Variants in PDS5B observed in about 807,000 individuals in gnomAD.
PDS5B encodes sister chromatid cohesion protein PDS5 homolog B.
A neutral mutation model predicts 184.1 loss-of-function variants in PDS5B; 51 were observed. The observed-to-expected ratio is 0.28, with a 90% CI of 0.22 to 0.35. The LOEUF is 0.35. Among genes scored for constraint, PDS5B ranks in the 10% least tolerant of loss-of-function variants. The pLI, the probability that PDS5B is intolerant of heterozygous loss-of-function variation, is 1.00. For synonymous variants in PDS5B, 566 were observed against 569.2 expected (o/e 0.99, Z 0.08); for missense variants, 1,180 against 1,723.3 (o/e 0.68, Z 5.58).
At chr13:32,607,389 G>A (rs977837810) in intron 1 of PDS5B, among the ~76,000 whole-genome samples, 6 of 152,178 alleles carry the variant, frequency 3.9e-5, no homozygotes, top group Admixed American at 6.5e-5. Context: ...ATTGCAGAAC[G>A]GCAAATGTTG....
chr13:32,655,573 A>G (rs1433335898), intron 3 of PDS5B, among the ~76,000 whole-genome samples: 1 of 150,912 alleles, frequency 6.6e-6, no homozygotes, highest in Non-Finnish European at 1.5e-5. Flanking sequence ...TGGTTTTACC[A>G]CGTTGACTGG....
intron 20 of PDS5B, 93 bp downstream of exon 20, chr13:32,732,317 A>C (rs1039263041): frequency 2.0e-5 from 16 of 810,930 alleles, no homozygotes; most frequent in Admixed American, 1.1e-4. Flanking sequence ...TTGGTGATGC[A>C]TCATTTTGTA....
intron 19 of PDS5B, among the ~76,000 whole-genome samples, chr13:32,731,306 A>G (rs1953113671): frequency 6.6e-6 from 1 of 152,156 alleles, no homozygotes; most frequent in Admixed American, 6.6e-5. Context: ...ATAGTTTAAG[A>G]GCTCCTTTAT....
At chr13:32,747,365 T>C (rs537629444) in intron 24 of PDS5B, among the ~76,000 whole-genome samples, 7 of 152,312 alleles carry the variant, frequency 4.6e-5, no homozygotes, top group East Asian at 3.9e-4. Flanking sequence ...TTGCCACTTA[T>C]GTATAACTCT....
In PDS5B at chr13:32,655,359, C is replaced by CATATATATAT. The variant is rs1177251327; in HGVS notation, c.313-2873_313-2864dup. ...AAAAGTATCTCTTCATGTTCTTTGC[C>CATATATATAT]ATATATATATATATATTTTTTTTTT... On this transcript the variant is annotated intron_variant, in intron 3 of 34. Transcript: ENST00000315596. Among the ~76,000 whole-genome samples, 54 of 39,588 alleles carry CATATATATAT rather than the reference C, an allele frequency of 1.4e-3. 1 individual carries two copies. Among genetic ancestry groups the CATATATATAT allele is most frequent in the African/African-American group, 5.1e-3 (34 of 6,612 alleles). The allele number at this position is 39,588 out of a possible 152,430, so 26.0% of individuals were successfully genotyped here. A position where few individuals can be genotyped will look rare whatever the true frequency, so the allele number is the denominator to read the frequency against.
intron 1 of PDS5B, among the ~76,000 whole-genome samples, chr13:32,610,278 G>T (rs559926100): frequency 1.3e-4 from 20 of 152,320 alleles, no homozygotes; most frequent in African/African-American, 4.6e-4. Context: ...GTATAAATAA[G>T]AAAGTGCATA....
chr13:32,766,265 G>A (rs1002536403), intron 31 of PDS5B, among the ~76,000 whole-genome samples: 3 of 152,092 alleles, frequency 2.0e-5, no homozygotes, highest in Non-Finnish European at 2.9e-5. Context: ...CCCAAAAGTT[G>A]GGAAACATGG....
At chr13:32,740,617 G>A (rs565621466) in intron 21 of PDS5B, among the ~76,000 whole-genome samples, 8 of 152,084 alleles carry the variant, frequency 5.3e-5, no homozygotes, top group Admixed American at 5.2e-4. Flanking sequence ...GCTAGTACTT[G>A]CACATGATCA....
chr13:32,676,336 A>G (rs910185650), intron 9 of PDS5B, among the ~76,000 whole-genome samples: 6 of 152,194 alleles, frequency 3.9e-5, no homozygotes, highest in Non-Finnish European at 5.9e-5. Context: ...GAGTATTCAC[A>G]GAGTGAATAA....
At chr13:32,672,230 C>T (rs1191428287) in intron 7 of PDS5B, among the ~76,000 whole-genome samples, 3 of 152,116 alleles carry the variant, frequency 2.0e-5, no homozygotes, top group Non-Finnish European at 4.4e-5. Flanking sequence ...GAATTGCCTT[C>T]TATGAAAATG....
In PDS5B at chr13:32,722,041, C is replaced by T. The variant is rs1157764160; in HGVS notation, c.2124-10060C>T. On this transcript the variant is annotated intron_variant, in intron 19 of 34. Coordinates refer to ENST00000315596, the MANE Select transcript of PDS5B (RefSeq NM_015032.4). ...TGGAGGTTGTAGCGAGCCGAGATCACGCCACTGCACTCCAGCCTGGGCAAC... is the reference window on the plus strand; with the variant it reads ...TGGAGGTTGTAGCGAGCCGAGATCATGCCACTGCACTCCAGCCTGGGCAAC... Among the ~76,000 whole-genome samples the T allele has an allele frequency of 3.3e-5, 5 of 152,174 alleles. No individual in the cohort carries two copies. In the South Asian group the frequency reaches 6.2e-4, roughly 19 times the overall value.
chr13:32,596,659 A>C (rs149955252), intron 1 of PDS5B, among the ~76,000 whole-genome samples: 1 of 151,866 alleles, frequency 6.6e-6, no homozygotes, highest in Non-Finnish European at 1.5e-5. Context: ...ACACTTGGTT[A>C]GTCAATCTTT....
At chr13:32,635,170 G>GTTTTTT (rs71071054) in intron 1 of PDS5B, among the ~76,000 whole-genome samples, 12 of 81,114 alleles carry the variant, frequency 1.5e-4, no homozygotes, top group Non-Finnish European at 2.0e-4. Flanking sequence ...AGCCAATTAC[G>GTTTTTT]TTTTTTTTTT....
At chr13:32,742,127 G>C (rs1313882683) in intron 22 of PDS5B, among the ~76,000 whole-genome samples, 1 of 152,088 alleles carries the variant, frequency 6.6e-6, no homozygotes, top group Non-Finnish European at 1.5e-5. Flanking sequence ...TTTAAAAAGA[G>C]GTAATATGTA....
intron 24 of PDS5B, among the ~76,000 whole-genome samples, chr13:32,747,425 T>C (rs1593590619): frequency 2.0e-5 from 3 of 152,280 alleles, no homozygotes; most frequent in South Asian, 2.1e-4. Flanking sequence ...TTTTGTCAAA[T>C]GATTTGTCAA....
chr13:32,686,439 A>G (rs1034357721), intron 11 of PDS5B, among the ~76,000 whole-genome samples: 1 of 152,158 alleles, frequency 6.6e-6, no homozygotes, highest in Non-Finnish European at 1.5e-5. Context: ...TTAGAAAAAA[A>G]TTATGAGGGA....
At chr13:32,638,827 G>C (rs1220380806) in intron 1 of PDS5B, among the ~76,000 whole-genome samples, 1 of 152,002 alleles carries the variant, frequency 6.6e-6, no homozygotes, top group Non-Finnish European at 1.5e-5. Context: ...AGGGAAGGAA[G>C]GAATGGGGAA....
rs200382006 is a variant in PDS5B, at chr13:32,732,050, G to A, written c.2124-51G>A. Reference sequence around the variant, plus strand: ...ACAAATATTAAAGTATCTAGCAGAAGTCTTGTTGATTTTTCTGGTTTATTG... The same window carrying A: ...ACAAATATTAAAGTATCTAGCAGAAATCTTGTTGATTTTTCTGGTTTATTG... On this transcript the variant is annotated intron_variant, in intron 19 of 34. Coordinates refer to ENST00000315596, the MANE Select transcript of PDS5B (RefSeq NM_015032.4). 1.1e-3 allele frequency: 1,598 copies of A among 1,478,630 alleles called. 16 individuals are homozygous for A. Among genetic ancestry groups the A allele is most frequent in the South Asian group, 8.3e-3 (684 of 82,624 alleles). The allele number at this position is 1,478,630 out of a possible 1,614,324, so 91.6% of individuals were successfully genotyped here.
chr13:32,631,328 A>G (rs941936215), intron 1 of PDS5B, among the ~76,000 whole-genome samples: 1 of 151,984 alleles, frequency 6.6e-6, no homozygotes. Context: ...CCTGGGCTCA[A>G]GCAGTCCACC....
Sources: gnomAD v4.1 joint callset for allele counts (sites outside exome capture counted in the v4.1 genomes callset) on GRCh38, gnomAD v4.1.1 for gene constraint, MANE v1.5 for transcripts, NCBI Gene and HGNC (gene_info 2026-07-23, HGNC 2026-07-21) for gene names.